ZNF385B: variants seen among roughly 807,000 people sequenced by gnomAD.
ZNF385B encodes zinc finger protein 533.
A neutral mutation model predicts 39.2 loss-of-function variants in ZNF385B; 23 were observed. That is an observed-to-expected ratio of 0.59 (90% CI 0.42 to 0.83). The LOEUF (loss-of-function observed/expected upper bound fraction) is 0.83, where lower values mean the gene tolerates loss of function less well. ZNF385B is among the 40% of genes least tolerant of loss of function. The pLI is 0.00. For synonymous variants in ZNF385B, 205 were observed against 222.6 expected, an observed-to-expected ratio of 0.92 and a Z score of 0.70; for missense variants, 552 against 598.9, an observed-to-expected ratio of 0.92 and a Z score of 0.82.
intron 3 of ZNF385B, among the ~76,000 whole-genome samples, chr2:179,661,898 A>G (rs1694522997): frequency 1.3e-5 from 2 of 152,210 alleles, no homozygotes; most frequent in South Asian, 4.1e-4. Flanking sequence ...TTTGAGTCAT[A>G]TACCATGTAT....
At chr2:179,716,801 C>A (rs919880886) in intron 3 of ZNF385B, among the ~76,000 whole-genome samples, 11 of 152,194 alleles carry the variant, frequency 7.2e-5, no homozygotes, top group African/African-American at 2.7e-4. Flanking sequence ...CAATCAGATT[C>A]TCCTAAGGCC....
chr2:179,794,892 G>A (rs1705561670), intron 1 of ZNF385B, among the ~76,000 whole-genome samples: 1 of 152,074 alleles, frequency 6.6e-6, no homozygotes, highest in Non-Finnish European at 1.5e-5. Context: ...AGATACATCT[G>A]GGGGTATCAT....
chr2:179,772,552 T>C (rs1460570753), intron 1 of ZNF385B, among the ~76,000 whole-genome samples: 1 of 152,170 alleles, frequency 6.6e-6, no homozygotes, highest in African/African-American at 2.4e-5. Context: ...GAAAATGACC[T>C]AGAGGTGGCA....
At chr2:179,502,828 C>T (rs1406293388) in intron 5 of ZNF385B, among the ~76,000 whole-genome samples, 1 of 152,118 alleles carries the variant, frequency 6.6e-6, no homozygotes, top group Non-Finnish European at 1.5e-5. Flanking sequence ...ATAGATTTTA[C>T]CTCCTAAATA....
chr2:179,646,237 A>G (rs2106234469), intron 3 of ZNF385B, among the ~76,000 whole-genome samples: 1 of 152,338 alleles, frequency 6.6e-6, no homozygotes, highest in East Asian at 1.9e-4. Flanking sequence ...CAACATGGTG[A>G]AAGCCCATCT....
intron 3 of ZNF385B, among the ~76,000 whole-genome samples, chr2:179,694,929 C>CACAAAAG (rs989253112): frequency 1.4e-5 from 2 of 141,350 alleles, no homozygotes; most frequent in African/African-American, 5.3e-5. Context: ...GACTCCATCT[C>CACAAAAG]AAAAAAGAAA....
chr2:179,683,723 G>A (rs572418515), intron 3 of ZNF385B, among the ~76,000 whole-genome samples: 34 of 152,188 alleles, frequency 2.2e-4, no homozygotes, highest in East Asian at 7.8e-4. Flanking sequence ...TGATCCACCC[G>A]CCTCGGCCTC....
intron 3 of ZNF385B, among the ~76,000 whole-genome samples, chr2:179,691,422 G>T (rs1185302293): frequency 6.6e-6 from 1 of 152,084 alleles, no homozygotes; most frequent in Non-Finnish European, 1.5e-5. Flanking sequence ...TAAGCATCCT[G>T]CATGCCACAA....
Position 179,630,082 on chromosome 2 carries a change from C to T in ZNF385B, c.299-85113G>A, listed in dbSNP as rs141082167. 7.0e-3 allele frequency among the ~76,000 whole-genome samples: 1,074 copies of T among 152,384 alleles called. 17 individuals are homozygous for T. The highest frequency in any genetic ancestry group is 0.025 in the African/African-American group (1,020 of 41,588). ...TGCCTCTAGACTCTGCCTCTGCGGG[C>T]AGGGCATGGCTGAACAAAAGGCAGC... On this transcript the variant is annotated intron_variant, in intron 3 of 9. Transcript: ENST00000410066.
At chr2:179,832,626 C>T (rs373813929) in intron 1 of ZNF385B, among the ~76,000 whole-genome samples, 219 of 152,330 alleles carry the variant, frequency 1.4e-3, no homozygotes, top group African/African-American at 5.0e-3. Context: ...TACAAATCCA[C>T]ATTCTAGCCA....
intron 4 of ZNF385B, among the ~76,000 whole-genome samples, chr2:179,522,699 C>T (rs1399516750): frequency 6.6e-6 from 1 of 150,490 alleles, no homozygotes; most frequent in Admixed American, 6.7e-5. Context: ...TATAATATAT[C>T]TTTTACATTA....
At chr2:179,669,380 A>C (rs1695608560) in intron 3 of ZNF385B, among the ~76,000 whole-genome samples, 1 of 152,222 alleles carries the variant, frequency 6.6e-6, no homozygotes, top group African/African-American at 2.4e-5. Context: ...ACACCAACAC[A>C]TAGGCTCGAA....
chr2:179,816,035 A>G (rs1353194756), intron 1 of ZNF385B, among the ~76,000 whole-genome samples: 2 of 151,958 alleles, frequency 1.3e-5, no homozygotes, highest in Non-Finnish European at 2.9e-5. Flanking sequence ...TGCAGATTCA[A>G]TGTCTCACCT....
At chr2:179,844,919 T>C (rs1451797511) in intron 1 of ZNF385B, among the ~76,000 whole-genome samples, 1 of 152,176 alleles carries the variant, frequency 6.6e-6, no homozygotes, top group African/African-American at 2.4e-5. Context: ...TAAAGAACCA[T>C]GTCCAGGACT....
chr2:179,703,515 G>A (rs1699369041), intron 3 of ZNF385B, among the ~76,000 whole-genome samples: 1 of 152,112 alleles, frequency 6.6e-6, no homozygotes, highest in South Asian at 2.1e-4. Context: ...GGTCCAGAAG[G>A]TTTTGTTCAC....
chr2:179,799,568 G>A (rs189591395), intron 1 of ZNF385B, among the ~76,000 whole-genome samples: 17 of 152,108 alleles, frequency 1.1e-4, no homozygotes, highest in East Asian at 1.9e-4. Flanking sequence ...GGAAAAACTC[G>A]TAGTCAGAAG....
intron 3 of ZNF385B, among the ~76,000 whole-genome samples, chr2:179,615,665 T>C (rs958351597): frequency 5.3e-5 from 8 of 152,214 alleles, no homozygotes; most frequent in African/African-American, 1.9e-4. Flanking sequence ...TTGTAAGTTA[T>C]AGAACAGTGT....
chr2:179,779,492 T>C (rs1704539699), intron 1 of ZNF385B, among the ~76,000 whole-genome samples: 1 of 152,148 alleles, frequency 6.6e-6, no homozygotes, highest in South Asian at 2.1e-4. Flanking sequence ...CCTGATATGA[T>C]CAGATTTCAG....
At chr2:179,504,454 T>C (rs1244592155) in intron 5 of ZNF385B, among the ~76,000 whole-genome samples, 1 of 152,202 alleles carries the variant, frequency 6.6e-6, no homozygotes, top group African/African-American at 2.4e-5. Flanking sequence ...ATCGCCACAC[T>C]GACTTCCACA....
Sources: allele counts gnomAD v4.1 joint callset (sites outside exome capture counted in the v4.1 genomes callset), GRCh38; gene constraint gnomAD v4.1.1; transcripts MANE v1.5; gene names NCBI Gene and HGNC (gene_info 2026-07-23, HGNC 2026-07-21).